FSTL4: variants seen among roughly 807,000 people sequenced by gnomAD.
The protein encoded by FSTL4 is follistatin-related protein 4.
A neutral mutation model predicts 78.2 loss-of-function variants in FSTL4; 28 were observed. That is an observed-to-expected ratio of 0.36 (90% CI 0.27 to 0.49). The LOEUF is 0.49. Among genes scored for constraint, FSTL4 ranks in the 20% least tolerant of loss-of-function variants. The pLI, the probability that FSTL4 is intolerant of heterozygous loss-of-function variation, is 0.98. For synonymous variants in FSTL4, 422 were observed against 440.5 expected (o/e 0.96, Z 0.53); for missense variants, 922 against 1,084.9 (o/e 0.85, Z 2.11).
At chr5:133,206,779 T>G (rs1485539596) in intron 14 of FSTL4, among the ~76,000 whole-genome samples, 2 of 152,210 alleles carry the variant, frequency 1.3e-5, no homozygotes, top group East Asian at 1.9e-4. Context: ...TTCATCTTTT[T>G]TGTTTTGCTT....
the FSTL4 span, among the ~76,000 whole-genome samples, chr5:133,637,881 CCA>C: frequency 6.9e-4 from 105 of 151,450 alleles, 2 homozygotes; most frequent in South Asian, 0.021. Context: ...TTAATGGGCT[CCA>C]GTCACCGAGA....
At chr5:133,303,549 C>T (rs1175430267) in intron 6 of FSTL4, among the ~76,000 whole-genome samples, 1 of 152,216 alleles carries the variant, frequency 6.6e-6, no homozygotes, top group African/African-American at 2.4e-5. Context: ...CACAGCTCTT[C>T]ACCCAGTCAG....
At chr5:133,473,232 G>A (rs992388668) in intron 3 of FSTL4, among the ~76,000 whole-genome samples, 50 of 144,452 alleles carry the variant, frequency 3.5e-4, no homozygotes, top group Non-Finnish European at 6.4e-4. Flanking sequence ...GAAAAGAAAA[G>A]AAAAAAAAAA....
intron 4 of FSTL4, among the ~76,000 whole-genome samples, chr5:133,319,549 C>G (rs898003562): frequency 1.3e-5 from 2 of 152,148 alleles, no homozygotes; most frequent in African/African-American, 4.8e-5. Context: ...CGTCTGGAGA[C>G]TGGTGAAAGC....
At chr5:133,271,223 T>C (rs1374253305) in intron 6 of FSTL4, among the ~76,000 whole-genome samples, 1 of 152,218 alleles carries the variant, frequency 6.6e-6, no homozygotes, top group Non-Finnish European at 1.5e-5. Flanking sequence ...ATTAAGCCAT[T>C]GAGACAATTG....
chr5:133,467,821 C>T (rs1312621665), intron 3 of FSTL4, among the ~76,000 whole-genome samples: 1 of 152,200 alleles, frequency 6.6e-6, no homozygotes, highest in Admixed American at 6.5e-5. Context: ...TCAGACACTG[C>T]TGGCTGTGAA....
intron 4 of FSTL4, among the ~76,000 whole-genome samples, chr5:133,388,916 C>G (rs1175824326): frequency 1.3e-5 from 2 of 152,042 alleles, no homozygotes; most frequent in African/African-American, 4.8e-5. Flanking sequence ...TGTATTGGAA[C>G]AACTATGATT....
rs73788105 is a variant in FSTL4 at position 133,497,341 on chromosome 5, G to T, written c.160+69845C>A. On this transcript the variant is annotated intron_variant, in intron 3 of 15. Transcript: ENST00000265342. Reference sequence around the variant, plus strand: ...TTTCCTCTCCCGATGGAAGAAGATGGATAATAAAGCCTATCTCATAGAGGG... The same window carrying T: ...TTTCCTCTCCCGATGGAAGAAGATGTATAATAAAGCCTATCTCATAGAGGG... 7.4e-3 allele frequency among the ~76,000 whole-genome samples: 1,134 copies of T among 152,350 alleles called. 17 individuals carry two copies. The highest frequency in any genetic ancestry group is 0.026 in the African/African-American group (1,099 of 41,568).
the FSTL4 span, among the ~76,000 whole-genome samples, chr5:133,754,863 G>A: frequency 6.6e-6 from 1 of 152,108 alleles, no homozygotes; most frequent in African/African-American, 2.4e-5. Flanking sequence ...CACCTTTCCA[G>A]CCATCCCTCC....
At chr5:133,457,381 C>T (rs572321620) in intron 3 of FSTL4, among the ~76,000 whole-genome samples, 71 of 152,316 alleles carry the variant, frequency 4.7e-4, no homozygotes, top group African/African-American at 1.6e-3. Context: ...CAGGATATCA[C>T]GGGCCTTCTG....
At chr5:133,706,774 C>A in the FSTL4 span, among the ~76,000 whole-genome samples, 1 of 152,202 alleles carries the variant, frequency 6.6e-6, no homozygotes, top group Admixed American at 6.5e-5. Context: ...CCATCCCTCC[C>A]TCCTGCTATA....
chr5:133,837,910 C>T, the FSTL4 span, among the ~76,000 whole-genome samples: 40 of 151,838 alleles, frequency 2.6e-4, no homozygotes, highest in African/African-American at 5.6e-4. Flanking sequence ...TATTTTAGGA[C>T]AGAGTCTTGC....
chr5:133,291,308 G>A (rs1753258180), intron 6 of FSTL4, among the ~76,000 whole-genome samples: 1 of 152,300 alleles, frequency 6.6e-6, no homozygotes, highest in South Asian at 2.1e-4. Flanking sequence ...GGAGGCGTGG[G>A]TGGGACAAGA....
intron 7 of FSTL4, chr5:133,244,323 G>C (rs1751969900): frequency 6.6e-6 from 1 of 152,386 alleles, no homozygotes; most frequent in African/African-American, 2.4e-5. Context: ...GTCATGCCGA[G>C]CACAGGGTGC....
chr5:133,498,174 C>T (rs1020577971), intron 3 of FSTL4, among the ~76,000 whole-genome samples: 12 of 152,192 alleles, frequency 7.9e-5, no homozygotes, highest in African/African-American at 2.9e-4. Flanking sequence ...CCTCACCGCA[C>T]GGTGACTGCC....
At chr5:133,291,906 A>G (rs1036266182) in intron 6 of FSTL4, among the ~76,000 whole-genome samples, 2 of 152,206 alleles carry the variant, frequency 1.3e-5, no homozygotes, top group Non-Finnish European at 2.9e-5. Flanking sequence ...GCCATAGGGT[A>G]CATGTTTTAA....
chr5:133,829,185 T>C, the FSTL4 span, among the ~76,000 whole-genome samples: 1 of 151,904 alleles, frequency 6.6e-6, no homozygotes, highest in African/African-American at 2.4e-5. Context: ...AGGTCAGGAG[T>C]TCAAGTCCAG....
chr5:133,681,235 C>A, the FSTL4 span, among the ~76,000 whole-genome samples: 550 of 152,324 alleles, frequency 3.6e-3, 3 homozygotes, highest in African/African-American at 0.013. Flanking sequence ...CCTTGGCAAG[C>A]GGTCATTCAC....
intron 2 of FSTL4, among the ~76,000 whole-genome samples, chr5:133,600,753 TAAA>T (rs1211509383): frequency 6.6e-6 from 1 of 152,262 alleles, no homozygotes; most frequent in African/African-American, 2.4e-5. Flanking sequence ...ACTTTAAAGG[TAAA>T]TCAAATCTTA....
Sources: gnomAD v4.1 joint callset for allele counts (sites outside exome capture counted in the v4.1 genomes callset) on GRCh38, gnomAD v4.1.1 for gene constraint, MANE v1.5 for transcripts, NCBI Gene and HGNC (gene_info 2026-07-23, HGNC 2026-07-21) for gene names.